Variants in MYO15A observed in about 807,000 individuals in gnomAD.
MYO15A encodes myosin XVA, also known as unconventional myosin-XV.
Under a neutral mutation model 394.6 loss-of-function variants are expected in MYO15A, and 308 were observed. The observed-to-expected ratio is 0.78, with a 90% CI of 0.71 to 0.86. The LOEUF (loss-of-function observed/expected upper bound fraction) is 0.86. Among genes scored for constraint, MYO15A ranks in the 40% least tolerant of loss-of-function variants. The pLI, the probability that MYO15A is intolerant of heterozygous loss-of-function variation, is 0.00. For synonymous variants in MYO15A, 1,957 were observed against 2,003.8 expected (o/e 0.98, Z 0.62); for missense variants, 4,606 against 4,799.1 (o/e 0.96, Z 1.19).
At chr17:18,173,519 C>T in intron 64 of MYO15A, 1 of 515,700 alleles carries the variant, frequency 1.9e-6, no homozygotes. Context: ...ATCCCAAGCA[C>T]TTAGAGCACT....
Position 18,167,595 on chromosome 17 carries a change from G to C in MYO15A, c.9954G>C (p.Leu3318=), listed in dbSNP as rs1206157952. The C allele has an allele frequency of 1.9e-6, 3 of 1,602,480 alleles. No individual in the cohort carries two copies. Among genetic ancestry groups the C allele is most frequent in the Non-Finnish European group, 1.7e-6 (2 of 1,179,892 alleles). ...CACCCAGGTGCTCCCTGCAGGTCCT[G>C]CCTGACTACCTGAAGGGACTCTTCA... ...LYVTMHYNQV[L]PDYLKGLFSS... Residue 3318 remains leucine (L), a synonymous_variant, in exon 62 of 66, where the codon CTG becomes CTC. Transcript: ENST00000647165.
intron 42 of MYO15A, among the ~76,000 whole-genome samples, chr17:18,152,664 C>T (rs1033607901): frequency 1.3e-5 from 2 of 152,186 alleles, no homozygotes; most frequent in African/African-American, 4.8e-5. Context: ...AAACTCCTCA[C>T]CGTGGCCTAT....
At position 18,147,929 on chromosome 17, in the gene MYO15A, C is replaced by A; in HGVS notation, c.6510-100C>A. On this transcript the variant is annotated intron_variant, in intron 30 of 65. Coordinates refer to ENST00000647165, the MANE Select transcript of MYO15A (RefSeq NM_016239.4). This position sits in a 1 kb window ranked among gnomAD's most constrained non-coding sequence, Gnocchi z 4.4. ...GAGCTCTGGAGTAGCCTGGGCCTTT[C>A]TCAGACTAGCCTCAGAATTTCCTAC... 1 of 1,477,606 alleles carries A rather than the reference C, an allele frequency of 6.8e-7. No individual in the cohort carries two copies. The highest frequency in any genetic ancestry group is 9.4e-7 in the Non-Finnish European group (1 of 1,060,938). 91.5% of individuals were successfully genotyped at this position (1,477,606 alleles called of 1,614,324 possible). A position where few individuals can be genotyped will look rare whatever the true frequency, so the allele number is the denominator to read the frequency against.
chr17:18,143,067 T>TGCTG (rs2046410650), intron 25 of MYO15A, among the ~76,000 whole-genome samples: 1 of 152,216 alleles, frequency 6.6e-6, no homozygotes, highest in African/African-American at 2.4e-5. Flanking sequence ...TTTGGCCTGG[T>TGCTG]GCTGGGTTCA....
intron 25 of MYO15A, among the ~76,000 whole-genome samples, chr17:18,143,252 C>T (rs1297000695): frequency 2.6e-5 from 4 of 152,226 alleles, no homozygotes; most frequent in African/African-American, 4.8e-5. Flanking sequence ...GAAGGTGGCG[C>T]TACAGAGGAG....
Position 18,138,235 on chromosome 17 carries a change from T to G in MYO15A, c.4996T>G (p.Cys1666Gly), listed in dbSNP as rs1233407056. ...GILRILDDQC[C>G]FPQATDHTFL... ...CCTGCGGATCCTTGACGACCAGTGT[T>G]GCTTTCCCCAGGTGAGCCGCAGGCA... The change falls in exon 17 of 66, where the codon TGC (cysteine) becomes GGC (glycine). Residue 1666 changes from cysteine to glycine, a missense_variant. By Grantham distance (159) the Cys-to-Gly change is radical. Around this residue, in one of 2 missense-constraint regions of MYO15A, gnomAD observed 2,776 missense variants for 3,109.3 expected, o/e 0.89. Coordinates refer to ENST00000647165, the MANE Select transcript of MYO15A (RefSeq NM_016239.4). The G allele has an allele frequency of 6.2e-7, 1 of 1,613,050 alleles. No homozygotes were observed. The highest frequency in any genetic ancestry group is 1.1e-5 in the South Asian group (1 of 91,090).
chr17:18,140,672 T>G lies in MYO15A; in HGVS notation c.5360+7T>G, dbSNP rs9906777. The G allele has an allele frequency of 6.2e-7, 1 of 1,613,668 alleles. No individual in the cohort carries two copies. The highest frequency in any genetic ancestry group is 8.5e-7 in the Non-Finnish European group (1 of 1,179,946). ...TGGTGGAAAAGATGGAGAGGTGGGG[T>G]GGGGGGCAGGTGGGCGGAGCACCCA... On this transcript the variant is annotated splice_region_variant and intron_variant, in intron 20 of 65. Transcript: ENST00000647165.
rs1196599878 is a variant in MYO15A at position 18,148,125 on chromosome 17, T to C, written c.6606T>C (p.Ala2202=). The part of the protein sequence containing the change: ...MGRAQQQGSG[A]ARTLPPTQLE... The stretch of plus-strand genomic sequence containing the variant: ...GGGCCCAACAGCAGGGCTCGGGGGC[T>C]GCCCGCACCTTACCCCCGACCCAGC... The change falls in exon 31 of 66, where the codon GCT becomes GCC. Residue 2202 remains alanine, a synonymous_variant. Coordinates refer to ENST00000647165, the MANE Select transcript of MYO15A (RefSeq NM_016239.4). This position sits in a 1 kb window ranked among gnomAD's most constrained non-coding sequence, Gnocchi z 4.8. 1.2e-6 allele frequency: 2 copies of C among 1,613,830 alleles called. No homozygotes were observed. Among genetic ancestry groups the C allele is most frequent in the Non-Finnish European group, 1.7e-6 (2 of 1,180,024 alleles).
intron 62 of MYO15A, chr17:18,169,666 T>A (rs2046911143): frequency 6.6e-6 from 1 of 152,100 alleles, no homozygotes; most frequent in South Asian, 2.1e-4. Flanking sequence ...CTCAAAGAGC[T>A]TTTGTTTATG....
intron 7 of MYO15A, among the ~76,000 whole-genome samples, chr17:18,127,495 A>T (rs917149456): frequency 2.0e-5 from 3 of 152,114 alleles, no homozygotes; most frequent in Admixed American, 2.0e-4. Context: ...CTTCCTGGTC[A>T]TGGCCCTGGG....
In MYO15A at chr17:18,141,076, C is replaced by T. The variant is rs1331355216; in HGVS notation, c.5464C>T (p.Leu1822=). The part of the protein sequence containing the change: ...VMAQLRYSGV[L]ETVRIRKEGF... ...GGCACAATTACGCTATTCAGGGGTG[C>T]TGGAGACCGTGAGGATCCGCAAGGA... Residue 1822 remains leucine, a synonymous_variant, in exon 22 of 66, where the codon CTG becomes TTG. Transcript: ENST00000647165. 6.2e-7 allele frequency: 1 copy of T among 1,614,054 alleles called. No individual in the cohort carries two copies. Among genetic ancestry groups the T allele is most frequent in the Non-Finnish European group, 8.5e-7 (1 of 1,180,042 alleles).
intron 44 of MYO15A, 148 bp from the exon 45 acceptor site, chr17:18,154,532 T>A (rs576621095): frequency 1.2e-6 from 1 of 832,270 alleles, no homozygotes; most frequent in African/African-American, 1.7e-5. Context: ...AAGTGGGATC[T>A]GATTTACACA....
In MYO15A at chr17:18,158,435, T is replaced by G; in HGVS notation, c.8968-88T>G. 6 of 1,189,392 alleles carry G rather than the reference T, an allele frequency of 5.0e-6. No individual in the cohort carries two copies. In the South Asian group the frequency reaches 6.4e-5, roughly 13 times the overall value. The allele number at this position is 1,189,392 out of a possible 1,614,324, so 73.7% of individuals were successfully genotyped here. On this transcript the variant is annotated intron_variant, in intron 51 of 65. Transcript: ENST00000647165. ...GGGCGGCTTGAGAATCTGGGTCCAG[T>G]CAGCTAGGGGTTGCGTTGTCAGTTT...
In MYO15A at chr17:18,121,378, A is replaced by AGCT. The variant is rs2045927390; in HGVS notation, c.2579_2581dup (p.Ser860_Ser861insCys). ...GGGGCTCTGCCACAGCCCGCGGCGC[A>AGCT]GCTCCCTGAATCTGCCCTCGCGCCT... On this transcript the variant is annotated inframe_insertion, in exon 2 of 66. Transcript: ENST00000647165. The surrounding 1 kb of genome is among the most constrained non-coding windows in gnomAD (Gnocchi z 5.3). 3 of 1,522,404 alleles carry AGCT rather than the reference A, an allele frequency of 2.0e-6. No individual in the cohort carries two copies. The highest frequency in any genetic ancestry group is 2.6e-6 in the Non-Finnish European group (3 of 1,139,880). 94.3% of individuals were successfully genotyped at this position (1,522,404 alleles called of 1,614,324 possible).
chr17:18,151,754 T>C, intron 40 of MYO15A, 92 bp from the exon 41 acceptor site: 2 of 1,264,278 alleles, frequency 1.6e-6, no homozygotes, highest in Non-Finnish European at 2.3e-6. Context: ...TGATAGGGGG[T>C]GGTGGAGGAG....
chr17:18,138,367 G>A, intron 17 of MYO15A, 121 bp downstream of exon 17: 1 of 1,288,358 alleles, frequency 7.8e-7, no homozygotes, highest in Non-Finnish European at 1.1e-6. Context: ...TGGGGGGTTG[G>A]GACACCCGAC....
rs2046274100 is a variant in MYO15A at position 18,136,465 on chromosome 17, G to A, written c.4645G>A (p.Val1549Met). ...IFTPLTVESAVDARDAIAKVL... is the reference protein window; with the variant it reads ...IFTPLTVESAMDARDAIAKVL... ...CACGCCCCTAACTGTGGAGAGCGCTGTGGATGCCAGGTGAGGCCACGCCCT... is the reference window on the plus strand; with the variant it reads ...CACGCCCCTAACTGTGGAGAGCGCTATGGATGCCAGGTGAGGCCACGCCCT... Residue 1549 changes from valine (V) to methionine (M), a missense_variant, in exon 14 of 66, where the codon GTG (valine) becomes ATG (methionine). Physicochemically the swap from Val to Met is conservative, Grantham distance 21. Transcript: ENST00000647165. The A allele has an allele frequency of 6.2e-7, 1 of 1,613,846 alleles. No individual in the cohort carries two copies. Among genetic ancestry groups the A allele is most frequent in the Non-Finnish European group, 8.5e-7 (1 of 1,180,032 alleles).
chr17:18,153,998 G>C lies in MYO15A; in HGVS notation c.8088+102G>C. 6.2e-7 allele frequency: 1 copy of C among 1,605,496 alleles called. No individual in the cohort carries two copies. Among genetic ancestry groups the C allele is most frequent in the Non-Finnish European group, 8.5e-7 (1 of 1,174,212 alleles). ...AGGACTTGGGGAGGGAGCCCAGGAG[G>C]ACAGAAAAAGGCCGGGCTGAAACCA... On this transcript the variant is annotated intron_variant, in intron 43 of 65. Coordinates refer to ENST00000647165, the MANE Select transcript of MYO15A (RefSeq NM_016239.4). The surrounding 1 kb of genome is among the most constrained non-coding windows in gnomAD (Gnocchi z 4.1).
chr17:18,156,924 T>A (rs2046684421), intron 48 of MYO15A, 30 bp from the exon 49 acceptor site: 1 of 1,588,048 alleles, frequency 6.3e-7, no homozygotes, highest in East Asian at 2.2e-5. Context: ...GATAGGGCTG[T>A]TGCCCTCACC....
Sources: gnomAD v4.1 joint callset for allele counts (sites outside exome capture counted in the v4.1 genomes callset) on GRCh38, gnomAD v4.1.1 for gene constraint, gnomAD v4.1.1 regional missense constraint, Gnocchi (gnomAD v3.1) non-coding constraint, MANE v1.5 for transcripts, NCBI Gene and HGNC (gene_info 2026-07-23, HGNC 2026-07-21) for gene names.